Variants in MGMT observed in about 807,000 individuals in gnomAD.
MGMT encodes the protein O-6-methylguanine-DNA methyltransferase, also known as methylated-DNA--protein-cysteine methyltransferase.
In MGMT, 14 loss-of-function variants were observed where a neutral mutation model predicts 15.9. The observed-to-expected ratio is 0.88, with a 90% CI of 0.58 to 1.37. The LOEUF (loss-of-function observed/expected upper bound fraction) is 1.37, where lower values mean the gene tolerates loss of function less well. MGMT is among the 40% of genes most tolerant of loss of function. MGMT has a pLI of 0.00. For synonymous variants in MGMT, 130 were observed against 118.2 expected, an observed-to-expected ratio of 1.10 and a Z score of -0.65; for missense variants, 282 against 268.1, an observed-to-expected ratio of 1.05 and a Z score of -0.36.
At chr10:129,614,313 C>T (rs1307051023) in intron 2 of MGMT, among the ~76,000 whole-genome samples, 1 of 152,188 alleles carries the variant, frequency 6.6e-6, no homozygotes, top group Non-Finnish European at 1.5e-5. Context: ...TAGAGCAAAA[C>T]CCGTTTCCCC....
At chr10:129,706,899 A>G (rs541799975) in intron 2 of MGMT, among the ~76,000 whole-genome samples, 4 of 152,260 alleles carry the variant, frequency 2.6e-5, no homozygotes, top group South Asian at 2.1e-4. Flanking sequence ...AGCAGCCACA[A>G]AACAGTCTGA....
At chr10:129,516,569 C>G (rs772721705) in intron 1 of MGMT, among the ~76,000 whole-genome samples, 1 of 152,164 alleles carries the variant, frequency 6.6e-6, no homozygotes, top group African/African-American at 2.4e-5. Flanking sequence ...CCGTGTAGCA[C>G]GTTGCCTTCC....
At chr10:129,534,009 A>G (rs1344872547) in intron 1 of MGMT, among the ~76,000 whole-genome samples, 3 of 152,228 alleles carry the variant, frequency 2.0e-5, no homozygotes, top group African/African-American at 7.2e-5. Context: ...TGGGAACAGT[A>G]GTGATCCCCA....
At chr10:129,539,280 C>T (rs1341153272) in intron 2 of MGMT, among the ~76,000 whole-genome samples, 1 of 151,930 alleles carries the variant, frequency 6.6e-6, no homozygotes, top group Admixed American at 6.6e-5. Flanking sequence ...TTTTGAATTA[C>T]CTTTTTGTGA....
chr10:129,711,912 C>T (rs1159973326), intron 3 of MGMT, among the ~76,000 whole-genome samples: 1 of 152,020 alleles, frequency 6.6e-6, no homozygotes, highest in Non-Finnish European at 1.5e-5. Context: ...AAACTTTGAA[C>T]ACTCCCTGAT....
chr10:129,656,845 C>T (rs1467995175), intron 2 of MGMT, among the ~76,000 whole-genome samples: 1 of 152,106 alleles, frequency 6.6e-6, no homozygotes, highest in Non-Finnish European at 1.5e-5. Context: ...TCCAGCTTGA[C>T]TTTCCCCTTT....
intron 2 of MGMT, among the ~76,000 whole-genome samples, chr10:129,594,344 C>T (rs1846725462): frequency 6.6e-6 from 1 of 152,146 alleles, no homozygotes; most frequent in Non-Finnish European, 1.5e-5. Context: ...AGCCTGGGTA[C>T]TGAAGGTGAA....
intron 2 of MGMT, among the ~76,000 whole-genome samples, chr10:129,657,841 T>C (rs12780416): frequency 0.026 from 3,895 of 152,210 alleles, 76 homozygotes; most frequent in Non-Finnish European, 0.04. Flanking sequence ...GTCATGGAGA[T>C]GCTGGGAATG....
At chr10:129,518,620 A>G (rs61640203) in intron 1 of MGMT, among the ~76,000 whole-genome samples, 5 of 42,662 alleles carry the variant, frequency 1.2e-4, no homozygotes, top group Non-Finnish European at 1.9e-4. Flanking sequence ...CCTTCATGAT[A>G]ATCCACTTCC....
At chr10:129,752,801 G>C (rs1205622265) in intron 3 of MGMT, among the ~76,000 whole-genome samples, 2 of 151,956 alleles carry the variant, frequency 1.3e-5, no homozygotes, top group Non-Finnish European at 2.9e-5. Flanking sequence ...CATTTCATAT[G>C]TCATAATTTT....
chr10:129,557,140 G>A (rs1203961270), intron 2 of MGMT, among the ~76,000 whole-genome samples: 1 of 152,148 alleles, frequency 6.6e-6, no homozygotes, highest in African/African-American at 2.4e-5. Flanking sequence ...AAATTACGAA[G>A]CATCTTATCC....
rs139997961 is a variant in MGMT at position 129,492,809 on chromosome 10, C to T, written c.-13+25513C>T. ...GTAATTTTTCTGACTTTTTCCAGTT[C>T]CTGTGGGAACATTGGGCTGCCTCCA... On this transcript the variant is annotated intron_variant, in intron 1 of 4. Transcript: ENST00000651593. Among the ~76,000 whole-genome samples, 82 of 152,258 alleles carry T rather than the reference C, an allele frequency of 5.4e-4. No individual in the cohort carries two copies. The East Asian group carries it at 0.015, about 29-fold the overall frequency.
chr10:129,765,960 A>T (rs1589983385), intron 4 of MGMT, among the ~76,000 whole-genome samples: 1 of 152,188 alleles, frequency 6.6e-6, no homozygotes, highest in African/African-American at 2.4e-5. Context: ...AGCTCGGGCA[A>T]CGCCAAAGGA....
rs958630113 is a variant in MGMT at position 129,644,270 on chromosome 10, GAGTACATTGA to G, written c.126-63614_126-63605del. 2.6e-5 allele frequency among the ~76,000 whole-genome samples: 4 copies of G among 152,192 alleles called. No homozygotes were observed. In the South Asian group the frequency reaches 6.2e-4, roughly 24 times the overall value. ...AATCCTAGATGCTTGGTGAGTGAGTGAGTACATTGAAGTACATTGAGTACAGTGAGGCCAC... is the reference window on the plus strand; with the variant it reads ...AATCCTAGATGCTTGGTGAGTGAGTGAGTACATTGAGTACAGTGAGGCCAC... On this transcript the variant is annotated intron_variant, in intron 2 of 4. Coordinates refer to ENST00000651593, the MANE Select transcript of MGMT (RefSeq NM_002412.5).
intron 2 of MGMT, among the ~76,000 whole-genome samples, chr10:129,552,881 T>C (rs1168074119): frequency 6.6e-6 from 1 of 152,250 alleles, no homozygotes; most frequent in Non-Finnish European, 1.5e-5. Context: ...TTTTCCTGGC[T>C]TTTTCATTAA....
chr10:129,675,431 G>T (rs1847774091), intron 2 of MGMT, among the ~76,000 whole-genome samples: 1 of 152,194 alleles, frequency 6.6e-6, no homozygotes, highest in Non-Finnish European at 1.5e-5. Flanking sequence ...CAGATTGCCG[G>T]AAGAGTTAGG....
At chr10:129,718,607 C>T (rs1215773884) in intron 3 of MGMT, among the ~76,000 whole-genome samples, 1 of 152,244 alleles carries the variant, frequency 6.6e-6, no homozygotes, top group Non-Finnish European at 1.5e-5. Context: ...AGGGATGAAG[C>T]CAGACACACC....
At chr10:129,558,455 T>C (rs1846240097) in intron 2 of MGMT, among the ~76,000 whole-genome samples, 1 of 152,194 alleles carries the variant, frequency 6.6e-6, no homozygotes, top group African/African-American at 2.4e-5. Flanking sequence ...GGGATTCGTG[T>C]TTATTACCAG....
chr10:129,754,303 C>T (rs902940365), intron 3 of MGMT, among the ~76,000 whole-genome samples: 1 of 152,200 alleles, frequency 6.6e-6, no homozygotes, highest in Non-Finnish European at 1.5e-5. Flanking sequence ...TTTCCCCACT[C>T]CGCTAAACTC....
Sources: gnomAD v4.1 joint callset for allele counts (sites outside exome capture counted in the v4.1 genomes callset) on GRCh38, gnomAD v4.1.1 for gene constraint, MANE v1.5 for transcripts, NCBI Gene and HGNC (gene_info 2026-07-23, HGNC 2026-07-21) for gene names.